Variants in KCNJ4 observed in about 807,000 individuals in gnomAD.
KCNJ4 encodes the protein inward rectifier potassium channel 4.
Under a neutral mutation model 25.6 loss-of-function variants are expected in KCNJ4, and 3 were observed. The observed-to-expected ratio is 0.12, with a 90% CI of 0.05 to 0.30. The LOEUF is 0.30. KCNJ4 is among the 10% of genes least tolerant of loss of function. The probability of loss-of-function intolerance (pLI) is 1.00; values close to 1 mark genes in which losing one functional copy is unlikely to be tolerated. For missense variants in KCNJ4, 286 were observed against 666.8 expected (o/e 0.43, Z 6.29); for synonymous variants, 257 against 283.9 (o/e 0.91, Z 0.95).
In KCNJ4 at chr22:38,427,781, C is replaced by T. The variant is rs753406385; in HGVS notation, c.352G>A (p.Val118Met). ...PVAPKPCIMH[V>M]NGFLGAFLFS... ...AGGAAGGCACCCAGGAAGCCGTTCA[C>T]GTGCATGATGCAGGGCTTGGGGGCC... Residue 118 changes from valine to methionine, a missense_variant, in exon 2 of 2, where the codon GTG (valine) becomes ATG (methionine). Val to Met is a conservative substitution (Grantham distance 21, BLOSUM62 1). Around this residue, in one of 11 missense-constraint regions of KCNJ4, gnomAD observed 29 missense variants for 107.7 expected, o/e 0.27. Transcript: ENST00000303592. 6 of 1,609,780 alleles carry T rather than the reference C, an allele frequency of 3.7e-6. No individual in the cohort carries two copies. The highest frequency in any genetic ancestry group is 2.7e-5 in the African/African-American group (2 of 74,978).
chr22:38,440,529 G>A (rs1227578100), intron 1 of KCNJ4, among the ~76,000 whole-genome samples: 2 of 152,220 alleles, frequency 1.3e-5, no homozygotes, highest in Non-Finnish European at 2.9e-5. Context: ...ACAACAGAAT[G>A]AGACGCTGTC....
At chr22:38,435,636 T>G in intron 1 of KCNJ4, among the ~76,000 whole-genome samples, 1 of 148,666 alleles carries the variant, frequency 6.7e-6, no homozygotes, top group East Asian at 2.0e-4. Context: ...GGGGCTGCAG[T>G]GAGCCAAGAT....
At chr22:38,431,951 GTTT>G (rs111418413) in intron 1 of KCNJ4, among the ~76,000 whole-genome samples, 3 of 145,478 alleles carry the variant, frequency 2.1e-5, no homozygotes, top group African/African-American at 7.5e-5. Context: ...GACTAGAGAT[GTTT>G]TTTTTTTTTT....
rs1011119137 is a variant in KCNJ4, at chr22:38,443,788, C to T, written c.-40+11192G>A. 2.6e-5 allele frequency among the ~76,000 whole-genome samples: 4 copies of T among 152,150 alleles called. No homozygotes were observed. Among genetic ancestry groups the T allele is most frequent in the Admixed American group, 2.6e-4 (4 of 15,278 alleles). On this transcript the variant is annotated intron_variant, in intron 1 of 1. Coordinates refer to ENST00000303592, the MANE Select transcript of KCNJ4 (RefSeq NM_152868.3). The surrounding 1 kb of genome is among the most constrained non-coding windows in gnomAD (Gnocchi z 4.1). ...AGCCCACAGTCTCTGCCCACCACCT[C>T]CTCCCACAGCCTCCACCCACCTCCC...
At chr22:38,429,722 C>G (rs574413026) in intron 1 of KCNJ4, among the ~76,000 whole-genome samples, 2 of 152,348 alleles carry the variant, frequency 1.3e-5, no homozygotes, top group East Asian at 1.9e-4. Context: ...CTCTCCACCC[C>G]TCTCTGCCAT....
chr22:38,444,883 A>G (rs867441873), intron 1 of KCNJ4, among the ~76,000 whole-genome samples: 1 of 152,184 alleles, frequency 6.6e-6, no homozygotes, highest in Non-Finnish European at 1.5e-5. Context: ...CTGAGCTGGA[A>G]CAGCATCTGC....
At chr22:38,439,873 G>A (rs550962569) in intron 1 of KCNJ4, among the ~76,000 whole-genome samples, 27 of 140,136 alleles carry the variant, frequency 1.9e-4, no homozygotes, top group African/African-American at 7.0e-4. Flanking sequence ...GGCAGATCAC[G>A]AGGTCAGGAG....
chr22:38,446,886 C>T (rs1036064952), intron 1 of KCNJ4, among the ~76,000 whole-genome samples: 1 of 150,076 alleles, frequency 6.7e-6, no homozygotes, highest in Non-Finnish European at 1.5e-5. Flanking sequence ...AACTGGGAGG[C>T]GGAGGTTGCA....
intron 1 of KCNJ4, among the ~76,000 whole-genome samples, chr22:38,438,262 C>T (rs1398388296): frequency 2.5e-5 from 3 of 117,960 alleles, no homozygotes; most frequent in Non-Finnish European, 1.7e-5. Flanking sequence ...AAAAAAAAAG[C>T]CAGGTGTGGT....
At chr22:38,445,131 G>C (rs961574468) in intron 1 of KCNJ4, among the ~76,000 whole-genome samples, 1 of 152,050 alleles carries the variant, frequency 6.6e-6, no homozygotes, top group African/African-American at 2.4e-5. Context: ...GGGCAAGCAG[G>C]AGGGCACAAG....
intron 1 of KCNJ4, among the ~76,000 whole-genome samples, chr22:38,444,129 T>C (rs1382666770): frequency 6.6e-6 from 1 of 152,128 alleles, no homozygotes; most frequent in African/African-American, 2.4e-5. Flanking sequence ...CATCCAGCTC[T>C]CAGATCTTCC....
chr22:38,428,306 C>T (rs752196395), intron 1 of KCNJ4, 135 bp from the exon 2 acceptor site: 13 of 815,848 alleles, frequency 1.6e-5, no homozygotes, highest in Non-Finnish European at 2.3e-5. Context: ...CCCCGGCAGG[C>T]GGAGGGTGGC....
At chr22:38,452,022 T>C (rs1161138704) in intron 1 of KCNJ4, among the ~76,000 whole-genome samples, 3 of 152,212 alleles carry the variant, frequency 2.0e-5, no homozygotes, top group Admixed American at 6.5e-5. Flanking sequence ...TCCTGTCTCC[T>C]GCTTTCATAG....
intron 1 of KCNJ4, among the ~76,000 whole-genome samples, chr22:38,450,610 G>A (rs747919069): frequency 6.6e-5 from 10 of 152,016 alleles, no homozygotes; most frequent in African/African-American, 9.7e-5. Context: ...TGCCACCACC[G>A]TCAGCCCAAA....
At chr22:38,451,045 C>T (rs1274708070) in intron 1 of KCNJ4, among the ~76,000 whole-genome samples, 1 of 152,128 alleles carries the variant, frequency 6.6e-6, no homozygotes, top group South Asian at 2.1e-4. Flanking sequence ...ATCTATAACA[C>T]GGGGACATCA....
At chr22:38,435,917 AAGAC>A (rs1356106415) in intron 1 of KCNJ4, among the ~76,000 whole-genome samples, 1 of 152,036 alleles carries the variant, frequency 6.6e-6, no homozygotes, top group African/African-American at 2.4e-5. Flanking sequence ...AGGGGAGCCA[AAGAC>A]AGACTGAGCC....
rs1311596932 is a variant in KCNJ4, at chr22:38,426,905, C to T, written c.1228G>A (p.Glu410Lys). 6.2e-7 allele frequency: 1 copy of T among 1,612,988 alleles called. No homozygotes were observed. Among genetic ancestry groups the T allele is most frequent in the South Asian group, 1.1e-5 (1 of 91,084 alleles). The change falls in exon 2 of 2, where the codon GAG becomes AAG. Residue 410 changes from glutamate to lysine, a missense_variant. Physicochemically the swap from Glu to Lys is moderately conservative, Grantham distance 56. Coordinates refer to ENST00000303592, the MANE Select transcript of KCNJ4 (RefSeq NM_152868.3). ...GLGLEAGSKE[E>K]AGIIRMLEFG... ...TCCAGCATCCGGATGATGCCCGCCT[C>T]CTCCTTGGAACCCGCCTCCAGGCCC...
intron 1 of KCNJ4, among the ~76,000 whole-genome samples, chr22:38,442,863 C>G (rs2089346815): frequency 6.6e-6 from 1 of 152,174 alleles, no homozygotes; most frequent in African/African-American, 2.4e-5. Flanking sequence ...CCACCCCAGC[C>G]TCTCGAATAG....
chr22:38,446,364 C>A (rs1269979076), intron 1 of KCNJ4, among the ~76,000 whole-genome samples: 1 of 152,232 alleles, frequency 6.6e-6, no homozygotes, highest in Non-Finnish European at 1.5e-5. Flanking sequence ...TGGAGCCCAG[C>A]CAGAGAGAGG....
Sources: gnomAD v4.1 joint callset for allele counts (sites outside exome capture counted in the v4.1 genomes callset) on GRCh38, gnomAD v4.1.1 for gene constraint, gnomAD v4.1.1 regional missense constraint, Gnocchi (gnomAD v3.1) non-coding constraint, MANE v1.5 for transcripts, NCBI Gene and HGNC (gene_info 2026-07-23, HGNC 2026-07-21) for gene names.